The following TNS1 variants were observed in gnomAD, a reference collection of about 807,000 sequenced individuals.
TNS1 encodes the protein tensin-1.
A neutral mutation model predicts 168.6 loss-of-function variants in TNS1; 62 were observed. The observed-to-expected ratio is 0.37, with a 90% CI of 0.30 to 0.45. The LOEUF (loss-of-function observed/expected upper bound fraction) is 0.45, where lower values mean the gene tolerates loss of function less well. TNS1 is among the 20% of genes least tolerant of loss of function. The pLI is 1.00. For missense variants in TNS1, 2,240 were observed against 2,339.4 expected, an observed-to-expected ratio of 0.96 and a Z score of 0.88; for synonymous variants, 934 against 933.2, an observed-to-expected ratio of 1.00 and a Z score of -0.02.
intron 19 of TNS1, 118 bp downstream of exon 19, chr2:217,847,392 A>C (rs1407384793): frequency 3.0e-6 from 3 of 997,248 alleles, no homozygotes. Context: ...GGCTCCTGAG[A>C]GCCTCCTCCC....
intron 18 of TNS1, among the ~76,000 whole-genome samples, chr2:217,876,479 C>CCTCT (rs1485362381): frequency 6.6e-6 from 1 of 152,158 alleles, no homozygotes; most frequent in Non-Finnish European, 1.5e-5. Flanking sequence ...GGGAACCAGA[C>CCTCT]CTCTCCCCAC....
Position 217,885,128 on chromosome 2 carries a change from G to T in TNS1, c.1153C>A (p.Arg385=). The stretch of plus-strand genomic sequence containing the variant: ...AACTGCACACGGAAGATGACGTCTC[G>T]GGCTGGGCTTCGGAACTTCTTGTGG... ...CYHKKFRSPA[R]DVIFRVQFHT... Residue 385 remains arginine, a synonymous_variant, in exon 16 of 33, where the codon CGA becomes AGA. Transcript: ENST00000682258. 2 of 1,614,226 alleles carry T rather than the reference G, an allele frequency of 1.2e-6. No homozygotes were observed. The highest frequency in any genetic ancestry group is 1.1e-5 in the South Asian group (1 of 91,082).
intron 19 of TNS1, chr2:217,842,292 C>T (rs1259703263): frequency 5.4e-6 from 3 of 555,244 alleles, no homozygotes; most frequent in Non-Finnish European, 9.6e-6. Flanking sequence ...TATCCAACCA[C>T]TGCAGATGTT....
At chr2:217,922,420 T>C (rs1320190510) in intron 3 of TNS1, among the ~76,000 whole-genome samples, 1 of 152,052 alleles carries the variant, frequency 6.6e-6, no homozygotes, top group Non-Finnish European at 1.5e-5. Flanking sequence ...ACCCTTGCTG[T>C]GTTCTTTTTC....
Position 217,954,908 on chromosome 2 carries a change from G to A in TNS1, c.186+23857C>T, listed in dbSNP as rs189018079. 2.6e-3 allele frequency among the ~76,000 whole-genome samples: 400 copies of A among 152,168 alleles called. 1 individual carries two copies. Among genetic ancestry groups the A allele is most frequent in the African/African-American group, 9.2e-3 (381 of 41,500 alleles). ...ACACTTGCCCCCACACAGGCACATC[G>A]CCACACATACACATGCACAGAAGGG... On this transcript the variant is annotated intron_variant, in intron 3 of 32. Transcript: ENST00000682258.
intron 1 of TNS1, among the ~76,000 whole-genome samples, chr2:218,021,518 G>A (rs1958806449): frequency 6.6e-6 from 1 of 152,240 alleles, no homozygotes; most frequent in South Asian, 2.1e-4. Flanking sequence ...CCTGGCATCT[G>A]GAGGGTCTGT....
chr2:218,005,147 C>T (rs945532094), upstream of TNS1, among the ~76,000 whole-genome samples: 2 of 152,256 alleles, frequency 1.3e-5, no homozygotes, highest in African/African-American at 2.4e-5. Flanking sequence ...CCAAGCTCCC[C>T]GCTGCCTGCT....
intron 2 of TNS1, 67 bp from the exon 3 acceptor site, chr2:217,978,869 TCTC>T (rs1957961251): frequency 1.4e-6 from 1 of 698,818 alleles, no homozygotes; most frequent in Non-Finnish European, 2.6e-6. Context: ...CTCCGCGAAA[TCTC>T]CTCCCACCCC....
chr2:217,977,645 A>G (rs1208864268), intron 3 of TNS1, among the ~76,000 whole-genome samples: 1 of 152,198 alleles, frequency 6.6e-6, no homozygotes, highest in Admixed American at 6.5e-5. Flanking sequence ...GAATTCTCAC[A>G]ACAACTTTAT....
In TNS1 at chr2:217,813,674, G is replaced by A; in HGVS notation, c.4861+11C>T. On this transcript the variant is annotated intron_variant, in intron 26 of 32. Coordinates refer to ENST00000682258, the MANE Select transcript of TNS1 (RefSeq NM_001387777.1). The surrounding 1 kb of genome is among the most constrained non-coding windows in gnomAD (Gnocchi z 4.0). ...CCTGGTCCTGAGCCCCATTCTGGGA[G>A]ATGAGGTTACCTTTTTTATTCTGCT... is the stretch of plus-strand genomic sequence containing the variant. The A allele has an allele frequency of 3.1e-6, 5 of 1,602,702 alleles. No individual in the cohort carries two copies. The South Asian group carries it at 5.6e-5, about 18-fold the overall frequency.
At chr2:218,010,428 CG>C, upstream of TNS1, 1 of 379,290 alleles carries the variant, frequency 2.6e-6, no homozygotes, top group Non-Finnish European at 4.7e-6. Flanking sequence ...GCTCCATCTC[CG>C]GGGAACCCCC....
intron 4 of TNS1, 138 bp downstream of exon 4, chr2:217,920,057 G>C: frequency 1.5e-6 from 1 of 673,878 alleles, no homozygotes; most frequent in Non-Finnish European, 2.7e-6. Context: ...CTTCGGCCCA[G>C]GGAGGTCGAC....
intron 3 of TNS1, among the ~76,000 whole-genome samples, chr2:217,976,838 G>A (rs1236973532): frequency 2.0e-5 from 3 of 152,194 alleles, no homozygotes; most frequent in African/African-American, 7.2e-5. Context: ...TCAAGAGATG[G>A]AAAGCAAAAG....
intron 1 of TNS1, 69 bp from the exon 2 acceptor site, chr2:217,991,125 C>T: frequency 2.0e-6 from 1 of 512,114 alleles, no homozygotes; most frequent in South Asian, 2.9e-5. Flanking sequence ...AGTAGAGGAG[C>T]CTGGGGGAGA....
At chr2:218,016,756 C>T (rs747933) in intron 1 of TNS1, among the ~76,000 whole-genome samples, 39,370 of 152,036 alleles carry the variant, frequency 0.26, 5,620 homozygotes, top group East Asian at 0.42. Context: ...GGGCTGAGAC[C>T]TGGCGTCAAA....
intron 3 of TNS1, among the ~76,000 whole-genome samples, chr2:217,950,469 G>C (rs904060488): frequency 6.6e-6 from 1 of 152,098 alleles, no homozygotes; most frequent in Non-Finnish European, 1.5e-5. Context: ...TGGGGAGCGT[G>C]CTGGCCACAC....
rs1428930977 is a variant in TNS1 at position 217,933,169 on chromosome 2, G to A, written c.187-12933C>T. On this transcript the variant is annotated intron_variant, in intron 3 of 32. Transcript: ENST00000682258. ...TCCATTTGACGCATATCCACCCTTC[G>A]TAATGCTTCCTTGCTCCCAGGCAGA... Among the ~76,000 whole-genome samples, 7 of 152,306 alleles carry A rather than the reference G, an allele frequency of 4.6e-5. No individual in the cohort carries two copies. In the East Asian group the frequency reaches 7.7e-4, roughly 17 times the overall value.
chr2:217,863,718 T>A (rs1949004951), intron 18 of TNS1, among the ~76,000 whole-genome samples: 2 of 152,116 alleles, frequency 1.3e-5, no homozygotes, highest in African/African-American at 4.8e-5. Flanking sequence ...ACTCTAAAAC[T>A]TCTGGTTCTA....
chr2:217,845,188 G>T (rs1946479470), intron 19 of TNS1, among the ~76,000 whole-genome samples: 3 of 152,224 alleles, frequency 2.0e-5, no homozygotes, highest in South Asian at 4.1e-4. Context: ...ATGGGGAAAA[G>T]GCAGACCTGG....
Sources: gnomAD v4.1 joint callset for allele counts (sites outside exome capture counted in the v4.1 genomes callset) on GRCh38, gnomAD v4.1.1 for gene constraint, Gnocchi (gnomAD v3.1) non-coding constraint, MANE v1.5 for transcripts, NCBI Gene and HGNC (gene_info 2026-07-23, HGNC 2026-07-21) for gene names.